MAF: variants seen among roughly 807,000 people sequenced by gnomAD.
The protein encoded by MAF is transcription factor Maf.
Under a neutral mutation model 22.0 loss-of-function variants are expected in MAF, and 10 were observed. The observed-to-expected ratio is 0.45, with a 90% CI of 0.28 to 0.77. MAF has a LOEUF of 0.77. Ranked by LOEUF, MAF falls within the 30% of genes least tolerant of loss-of-function variation. MAF has a pLI of 0.12. For missense variants in MAF, 544 were observed against 548.4 expected (o/e 0.99, Z 0.08); for synonymous variants, 337 against 255.8 (o/e 1.32, Z -3.03).
At chr16:79,244,118 G>A in the MAF span, among the ~76,000 whole-genome samples, 2 of 151,922 alleles carry the variant, frequency 1.3e-5, no homozygotes, top group African/African-American at 2.4e-5. Context: ...CATACTGAAG[G>A]GGCAAAAACT....
At chr16:79,496,358 A>G in the MAF span, among the ~76,000 whole-genome samples, 1 of 152,250 alleles carries the variant, frequency 6.6e-6, no homozygotes, top group Non-Finnish European at 1.5e-5. Flanking sequence ...CTAGGCAGCC[A>G]TCATTTCAGA....
chr16:79,472,307 G>C, the MAF span, among the ~76,000 whole-genome samples: 1 of 152,122 alleles, frequency 6.6e-6, no homozygotes, highest in Non-Finnish European at 1.5e-5. Flanking sequence ...TCTACATAAA[G>C]ACTTCTATGT....
chr16:79,520,192 C>T, the MAF span, among the ~76,000 whole-genome samples: 1 of 152,212 alleles, frequency 6.6e-6, no homozygotes, highest in Non-Finnish European at 1.5e-5. Context: ...TCTTCCAATG[C>T]CAGCTCTTCT....
At chr16:79,507,816 C>T in the MAF span, among the ~76,000 whole-genome samples, 652 of 152,278 alleles carry the variant, frequency 4.3e-3, 3 homozygotes, top group African/African-American at 0.015. Flanking sequence ...TGCCAAATAT[C>T]CCATTTTCTC....
chr16:79,332,238 T>C, the MAF span, among the ~76,000 whole-genome samples: 2 of 152,242 alleles, frequency 1.3e-5, no homozygotes, highest in Admixed American at 6.5e-5. Context: ...GTGCATATTA[T>C]GTCATTTAAT....
chr16:79,237,716 C>T, the MAF span, among the ~76,000 whole-genome samples: 1 of 152,152 alleles, frequency 6.6e-6, no homozygotes, highest in African/African-American at 2.4e-5. Context: ...TCACTCTTTG[C>T]TGTAGGCAGC....
chr16:79,210,292 G>C, the MAF span, among the ~76,000 whole-genome samples: 1 of 152,202 alleles, frequency 6.6e-6, no homozygotes, highest in South Asian at 2.1e-4. Context: ...TCTTCACGTC[G>C]TAACACCTTC....
Position 79,600,051 on chromosome 16 carries a change from T to C in MAF, c.-149A>G. The C allele has an allele frequency of 9.2e-7, 1 of 1,084,880 alleles. No homozygotes were observed. The highest frequency in any genetic ancestry group is 1.3e-6 in the Non-Finnish European group (1 of 761,290). The allele number at this position is 1,084,880 out of a possible 1,614,324, so 67.2% of individuals were successfully genotyped here. A position where few individuals can be genotyped will look rare whatever the true frequency, so the allele number is the denominator to read the frequency against. On this transcript the variant is annotated 5_prime_UTR_variant, in exon 1 of 2. Coordinates refer to ENST00000326043, the MANE Select transcript of MAF (RefSeq NM_005360.5). ...GCGCGGCGGTGGCTGGCCCGAAACC[T>C]CCGAGCGCGCTCACACACACACCCC...
chr16:79,570,572 T>C, the MAF span, among the ~76,000 whole-genome samples: 3 of 152,212 alleles, frequency 2.0e-5, no homozygotes, highest in African/African-American at 7.2e-5. Context: ...TACTCCTGTG[T>C]TGAAATCGTT....
Position 79,594,512 on chromosome 16 carries a change from G to T in MAF, c.1160C>A (p.Ala387Asp). Residue 387 changes from alanine (A) to aspartate (D), a missense_variant, in exon 2 of 2, where the codon GCC becomes GAC. By Grantham distance (126) the Ala-to-Asp change is moderately radical. Around this residue, in one of 5 missense-constraint regions of MAF, gnomAD observed 129 missense variants for 113.6 expected, o/e 1.14. Transcript: ENST00000326043. ...TRKLEPSVGY[A>D]TFWKPQHRVL... ...ACGATGCTGGGGCTTCCAAAATGTG[G>T]CGTATCCCACTGATGGCTCCAACTT... 6.4e-7 allele frequency: 1 copy of T among 1,567,152 alleles called. No homozygotes were observed. The highest frequency in any genetic ancestry group is 8.7e-7 in the Non-Finnish European group (1 of 1,153,238).
the MAF span, among the ~76,000 whole-genome samples, chr16:79,488,701 T>C: frequency 1.3e-5 from 2 of 152,180 alleles, no homozygotes; most frequent in Non-Finnish European, 2.9e-5. Context: ...ATCTCAGCCA[T>C]TTATAAGTTA....
At chr16:79,376,929 G>C in the MAF span, among the ~76,000 whole-genome samples, 1 of 152,202 alleles carries the variant, frequency 6.6e-6, no homozygotes, top group Non-Finnish European at 1.5e-5. Flanking sequence ...ATCATTGTTG[G>C]ACATTTGGGT....
At chr16:79,234,890 G>C in the MAF span, among the ~76,000 whole-genome samples, 83,650 of 151,876 alleles carry the variant, frequency 0.55, 24,494 homozygotes, top group Non-Finnish European at 0.66. Flanking sequence ...GCAGGGGCTT[G>C]ACCTGCCCTC....
the MAF span, among the ~76,000 whole-genome samples, chr16:79,295,805 C>T: frequency 2.0e-5 from 3 of 152,216 alleles, no homozygotes; most frequent in African/African-American, 7.2e-5. Flanking sequence ...TATTTTAATT[C>T]TCCCAGTGGC....
the MAF span, among the ~76,000 whole-genome samples, chr16:79,330,110 T>C: frequency 6.6e-6 from 1 of 152,180 alleles, no homozygotes; most frequent in African/African-American, 2.4e-5. Flanking sequence ...TCAAAGCAGG[T>C]AAAAGTATGG....
At chr16:79,227,285 A>G in the MAF span, among the ~76,000 whole-genome samples, 1 of 152,088 alleles carries the variant, frequency 6.6e-6, no homozygotes, top group Non-Finnish European at 1.5e-5. Context: ...TGGGAGGTCA[A>G]GACTGCAGTG....
chr16:79,343,627 T>G, the MAF span, among the ~76,000 whole-genome samples: 8,786 of 152,252 alleles, frequency 0.058, 504 homozygotes, highest in African/African-American at 0.14. Context: ...GTGATTGTCG[T>G]GAATGCAAAT....
At chr16:79,243,567 G>T in the MAF span, among the ~76,000 whole-genome samples, 18,446 of 151,932 alleles carry the variant, frequency 0.12, 1,490 homozygotes, top group Middle Eastern at 0.21. Flanking sequence ...AAATGATGCA[G>T]TAATTAATAG....
At chr16:79,330,139 C>T in the MAF span, among the ~76,000 whole-genome samples, 34 of 152,326 alleles carry the variant, frequency 2.2e-4, no homozygotes, top group East Asian at 6.6e-3. Flanking sequence ...GGCTCTCATC[C>T]TCCTGCCATA....
Sources: allele counts gnomAD v4.1 joint callset (sites outside exome capture counted in the v4.1 genomes callset), GRCh38; gene constraint gnomAD v4.1.1; regional missense constraint gnomAD v4.1.1; transcripts MANE v1.5; gene names NCBI Gene and HGNC (gene_info 2026-07-23, HGNC 2026-07-21).